TRAM2: variants seen among roughly 807,000 people sequenced by gnomAD.
The protein encoded by TRAM2 is translocation associated membrane protein 2, also known as translocating chain-associated membrane protein 2.
A neutral mutation model predicts 51.0 loss-of-function variants in TRAM2; 12 were observed. The observed-to-expected ratio is 0.24, with a 90% confidence interval of 0.15 to 0.38. The LOEUF is 0.38. TRAM2 is among the 10% of genes least tolerant of loss of function. The pLI, the probability that TRAM2 is intolerant of heterozygous loss-of-function variation, is 1.00. For missense variants in TRAM2, 361 were observed against 462.0 expected (o/e 0.78, Z 2.00); for synonymous variants, 175 against 179.4 (o/e 0.98, Z 0.20).
At chr6:52,558,581 C>T (rs776824349) in intron 1 of TRAM2, among the ~76,000 whole-genome samples, 28 of 152,130 alleles carry the variant, frequency 1.8e-4, no homozygotes, top group Non-Finnish European at 3.5e-4. Context: ...TAAGAAAACA[C>T]AATAGTGACA....
intron 1 of TRAM2, among the ~76,000 whole-genome samples, chr6:52,576,041 C>A (rs1403105150): frequency 2.0e-5 from 3 of 152,186 alleles, no homozygotes; most frequent in African/African-American, 7.2e-5. Flanking sequence ...CCTCTGCCCC[C>A]CACTCCTACA....
intron 5 of TRAM2, 90 bp downstream of exon 5, chr6:52,509,438 G>A: frequency 1.6e-6 from 2 of 1,285,856 alleles, no homozygotes; most frequent in Non-Finnish European, 2.2e-6. Flanking sequence ...AGGCCAGCTG[G>A]GCCTGTGGTG....
At chr6:52,516,356 C>T in intron 3 of TRAM2, 2 of 591,498 alleles carry the variant, frequency 3.4e-6, no homozygotes, top group East Asian at 2.8e-5. Context: ...AAGAAAATAA[C>T]CCCAATTACT....
chr6:52,526,855 C>T (rs1455491144), intron 2 of TRAM2, among the ~76,000 whole-genome samples: 1 of 152,218 alleles, frequency 6.6e-6, no homozygotes, highest in Non-Finnish European at 1.5e-5. Context: ...GGGCATGACA[C>T]ATGCATTCCA....
chr6:52,563,543 C>G (rs1270716581), intron 1 of TRAM2, among the ~76,000 whole-genome samples: 1 of 151,770 alleles, frequency 6.6e-6, no homozygotes, highest in African/African-American at 2.4e-5. Flanking sequence ...CACGGTGAAA[C>G]CCCGTCTCTA....
chr6:52,570,399 A>G (rs983072078), intron 1 of TRAM2, among the ~76,000 whole-genome samples: 1 of 152,204 alleles, frequency 6.6e-6, no homozygotes, highest in Non-Finnish European at 1.5e-5. Context: ...GATTCCACTC[A>G]GACAAAGAAA....
intron 10 of TRAM2, among the ~76,000 whole-genome samples, chr6:52,503,608 C>T (rs1766283166): frequency 6.6e-6 from 1 of 152,106 alleles, no homozygotes. Flanking sequence ...TAGATACTCG[C>T]CGAAATCACT....
intron 2 of TRAM2, among the ~76,000 whole-genome samples, chr6:52,521,668 G>T (rs138930351): frequency 0.038 from 5,695 of 151,752 alleles, 337 homozygotes; most frequent in African/African-American, 0.12. Flanking sequence ...CTGCACTCTA[G>T]CCTGGGAGAC....
intron 1 of TRAM2, among the ~76,000 whole-genome samples, chr6:52,543,756 G>A (rs947652552): frequency 1.3e-5 from 2 of 152,174 alleles, no homozygotes; most frequent in South Asian, 2.1e-4. Context: ...ATGTGTCTGC[G>A]ACATCCTGTC....
chr6:52,508,672 C>T (rs1393451310), intron 5 of TRAM2, among the ~76,000 whole-genome samples: 1 of 152,230 alleles, frequency 6.6e-6, no homozygotes, highest in Non-Finnish European at 1.5e-5. Context: ...AGACAACAAA[C>T]AGCTCTAAGT....
At chr6:52,514,602 G>A (rs72925259) in intron 4 of TRAM2, among the ~76,000 whole-genome samples, 8,623 of 152,302 alleles carry the variant, frequency 0.057, 379 homozygotes, top group African/African-American at 0.13. Flanking sequence ...TCACACCCTG[G>A]AAGGCGTGTT....
At chr6:52,506,387 G>A (rs1766351204) in intron 7 of TRAM2, among the ~76,000 whole-genome samples, 1 of 152,138 alleles carries the variant, frequency 6.6e-6, no homozygotes, top group Admixed American at 6.5e-5. Flanking sequence ...TGCTCCCACA[G>A]CAAACCTCGC....
chr6:52,520,964 AATGG>A (rs1766660788), intron 2 of TRAM2, among the ~76,000 whole-genome samples: 1 of 152,152 alleles, frequency 6.6e-6, no homozygotes, highest in African/African-American at 2.4e-5. Flanking sequence ...GCTGGAGTGT[AATGG>A]CGCAGTCTTG....
At chr6:52,504,531 C>T (rs1220098262) in intron 10 of TRAM2, 60 bp downstream of exon 10, 7 of 1,602,458 alleles carry the variant, frequency 4.4e-6, no homozygotes, top group African/African-American at 2.7e-5. Context: ...CTTGGCTCCT[C>T]CCACCCATCC....
At chr6:52,540,261 T>A (rs9474240) in intron 1 of TRAM2, among the ~76,000 whole-genome samples, 2,234 of 151,790 alleles carry the variant, frequency 0.015, 61 homozygotes, top group African/African-American at 0.051. Context: ...CTTGATTTTT[T>A]AAAAACCTTG....
At chr6:52,520,326 G>A (rs1005718213) in intron 2 of TRAM2, among the ~76,000 whole-genome samples, 6 of 152,158 alleles carry the variant, frequency 3.9e-5, no homozygotes, top group Non-Finnish European at 5.9e-5. Flanking sequence ...AGCTACTGGA[G>A]GATTTTCGTC....
rs534824558 is a variant in TRAM2, at chr6:52,513,765, G to T, written c.411+2241C>A. Among the ~76,000 whole-genome samples, 7 of 152,326 alleles carry T rather than the reference G, an allele frequency of 4.6e-5. No homozygotes were observed. The South Asian group carries it at 1.5e-3, about 32-fold the overall frequency. On this transcript the variant is annotated intron_variant, in intron 4 of 10. Coordinates refer to ENST00000182527, the MANE Select transcript of TRAM2 (RefSeq NM_012288.4). ...GGAGGAAAAAACGATTTCACTGCAA[G>T]TGTGATGGGACTTTTAAGCACGGGA...
chr6:52,566,122 T>C (rs1189739879), intron 1 of TRAM2, among the ~76,000 whole-genome samples: 2 of 152,154 alleles, frequency 1.3e-5, no homozygotes, highest in Non-Finnish European at 2.9e-5. Flanking sequence ...GATAAAGCCA[T>C]ACGAAGGCAA....
chr6:52,517,022 G>A (rs1766564499), intron 2 of TRAM2: 1 of 359,772 alleles, frequency 2.8e-6, no homozygotes, highest in South Asian at 3.3e-5. Flanking sequence ...AACAGAGCCA[G>A]GGTTAGAGAC....
Sources: allele counts gnomAD v4.1 joint callset (sites outside exome capture counted in the v4.1 genomes callset), GRCh38; gene constraint gnomAD v4.1.1; transcripts MANE v1.5; gene names NCBI Gene and HGNC (gene_info 2026-07-23, HGNC 2026-07-21).